RHOT1: variants seen among roughly 807,000 people sequenced by gnomAD.
The protein encoded by RHOT1 is mitochondrial Rho GTPase 1.
RHOT1 carries 27 observed loss-of-function variants against 95.3 expected under a neutral mutation model. The observed-to-expected ratio is 0.28, with a 90% CI of 0.21 to 0.39. The LOEUF (loss-of-function observed/expected upper bound fraction) is 0.39, where lower values mean the gene tolerates loss of function less well. Ranked by LOEUF, RHOT1 falls within the 10% of genes least tolerant of loss-of-function variation. RHOT1 has a pLI of 1.00. For missense variants in RHOT1, 578 were observed against 786.7 expected (o/e 0.73, Z 3.17); for synonymous variants, 227 against 263.5 (o/e 0.86, Z 1.34).
At chr17:32,165,929 A>G (rs2034037609) in intron 1 of RHOT1, among the ~76,000 whole-genome samples, 1 of 152,138 alleles carries the variant, frequency 6.6e-6, no homozygotes, top group Admixed American at 6.5e-5. Context: ...GCATGCCTGT[A>G]ATCCCAGCAT....
rs541519137 is a variant in RHOT1, at chr17:32,162,348, G to A, written c.38-8695G>A. 1.4e-3 allele frequency among the ~76,000 whole-genome samples: 220 copies of A among 152,114 alleles called. 1 individual carries two copies. The highest frequency in any genetic ancestry group is 0.01 in the Middle Eastern group (3 of 294). On this transcript the variant is annotated intron_variant, in intron 1 of 19. Transcript: ENST00000545287. ...TTCTGATGCTCTGTGCCAGAAGCTG[G>A]GGACAAAGACCAGATGTATTCTATG...
chr17:32,187,984 G>C (rs2036184539), intron 8 of RHOT1, among the ~76,000 whole-genome samples: 1 of 152,160 alleles, frequency 6.6e-6, no homozygotes, highest in African/African-American at 2.4e-5. Flanking sequence ...CATAGCCATG[G>C]TCATTCTTTT....
At chr17:32,199,060 T>C in intron 12 of RHOT1, 29 bp downstream of exon 12, 1 of 1,477,194 alleles carries the variant, frequency 6.8e-7, no homozygotes, top group Non-Finnish European at 9.4e-7. Flanking sequence ...TTTTCCATTA[T>C]ATATAGTAAA....
intron 19 of RHOT1, 61 bp downstream of exon 19, chr17:32,211,299 A>G (rs1195095052): frequency 2.7e-6 from 4 of 1,476,526 alleles, no homozygotes; most frequent in Middle Eastern, 4.1e-4. Context: ...AAAAAAGCGG[A>G]TAACTATTTA....
intron 8 of RHOT1, among the ~76,000 whole-genome samples, chr17:32,189,972 G>C (rs1050748143): frequency 6.6e-6 from 1 of 151,848 alleles, no homozygotes; most frequent in Non-Finnish European, 1.5e-5. Flanking sequence ...GCTCGCCTTG[G>C]CTTCCCGAAA....
At chr17:32,210,126 CT>C (rs1461416064) in intron 18 of RHOT1, among the ~76,000 whole-genome samples, 1 of 152,028 alleles carries the variant, frequency 6.6e-6, no homozygotes, top group African/African-American at 2.4e-5. Context: ...TTGGGCCAGT[CT>C]TTTGACTGAG....
At position 32,203,986 on chromosome 17, in the gene RHOT1, G is replaced by A. The variant is rs1188660142; in HGVS notation, c.1416+13G>A. On this transcript the variant is annotated intron_variant, in intron 16 of 19. Transcript: ENST00000545287. ...GAAATACTTGTTGGTAAGAAATTCT[G>A]TGGCATACAAAAATTACTAATTATT... 4 of 1,572,244 alleles carry A rather than the reference G, an allele frequency of 2.5e-6. No individual in the cohort carries two copies. In the African/African-American group the frequency reaches 5.4e-5, roughly 21 times the overall value.
chr17:32,151,851 C>T (rs1448373700), intron 1 of RHOT1, among the ~76,000 whole-genome samples: 1 of 142,014 alleles, frequency 7.0e-6, no homozygotes, highest in Admixed American at 7.3e-5. Context: ...CATTGCACTC[C>T]AGCCTGGGCG....
chr17:32,192,444 A>T, intron 9 of RHOT1, 145 bp downstream of exon 9: 1 of 621,770 alleles, frequency 1.6e-6, no homozygotes. Flanking sequence ...TTTCACATCA[A>T]CCTATATATG....
intron 19 of RHOT1, among the ~76,000 whole-genome samples, chr17:32,219,892 C>T (rs964207748): frequency 2.6e-5 from 4 of 152,132 alleles, no homozygotes; most frequent in African/African-American, 9.7e-5. Flanking sequence ...TGATCTTATT[C>T]CACATAGAGT....
chr17:32,173,138 T>C (rs1243882825), intron 2 of RHOT1: 1 of 152,230 alleles, frequency 6.6e-6, no homozygotes, highest in South Asian at 2.1e-4. Context: ...GTTTTTATCC[T>C]ATAGTTTTAA....
chr17:32,157,811 C>T (rs2033114161), intron 1 of RHOT1, among the ~76,000 whole-genome samples: 1 of 151,764 alleles, frequency 6.6e-6, no homozygotes, highest in South Asian at 2.1e-4. Flanking sequence ...TCCCCCGCTC[C>T]CACCCCGCCG....
chr17:32,166,037 A>G (rs1004757071), intron 1 of RHOT1, among the ~76,000 whole-genome samples: 1 of 151,892 alleles, frequency 6.6e-6, no homozygotes, highest in Non-Finnish European at 1.5e-5. Flanking sequence ...ATACAAAAAA[A>G]TGTAGCCAGG....
Position 32,194,007 on chromosome 17 carries a change from C to G in RHOT1, c.769C>G (p.Leu257Val), listed in dbSNP as rs1173027317. 1 of 1,613,282 alleles carries G rather than the reference C, an allele frequency of 6.2e-7. No homozygotes were observed. The highest frequency in any genetic ancestry group is 2.2e-5 in the East Asian group (1 of 44,870). Residue 257 changes from leucine to valine, a missense_variant, in exon 11 of 20, where the codon CTT (leucine) becomes GTT (valine). Physicochemically the swap from Leu to Val is conservative, Grantham distance 32. Around this residue, in one of 4 missense-constraint regions of RHOT1, gnomAD observed 227 missense variants for 316.0 expected, o/e 0.72. Transcript: ENST00000545287. ...TLKGFLFLHT[L>V]FIQRGRHETT... ...TTCAGGTTTTCTCTTTTTACACACA[C>G]TTTTTATCCAGAGAGGGAGACACGA...
chr17:32,205,757 GCTGGTCTCAAACTC>G (rs1304111598), intron 16 of RHOT1, among the ~76,000 whole-genome samples: 1 of 152,146 alleles, frequency 6.6e-6, no homozygotes, highest in Non-Finnish European at 1.5e-5. Context: ...CCTGTCCCGG[GCTGGTCTCAAACTC>G]CTGGGCTCAA....
chr17:32,155,987 T>TA (rs1317347728), intron 1 of RHOT1, among the ~76,000 whole-genome samples: 1 of 152,246 alleles, frequency 6.6e-6, no homozygotes, highest in African/African-American at 2.4e-5. Context: ...TTGACAGGAA[T>TA]ACTACCTTGA....
intron 1 of RHOT1, among the ~76,000 whole-genome samples, chr17:32,145,782 A>G (rs926647119): frequency 6.6e-6 from 1 of 152,148 alleles, no homozygotes; most frequent in Non-Finnish European, 1.5e-5. Context: ...TGGGAGGCCG[A>G]GGCAGGTGGA....
rs114581080 is a variant in RHOT1, at chr17:32,202,601, G to A, written c.1202-169G>A. Among the ~76,000 whole-genome samples, 1,084 of 152,154 alleles carry A rather than the reference G, an allele frequency of 7.1e-3. 21 individuals are homozygous for A. The highest frequency in any genetic ancestry group is 0.025 in the African/African-American group (1,019 of 41,502). On this transcript the variant is annotated intron_variant, in intron 14 of 19. Transcript: ENST00000545287. ...TAACTGGGGCCCTTCTGCATTCTGT[G>A]TACTTCATTCACATACAGCTTGACT... is the stretch of plus-strand genomic sequence containing the variant.
At chr17:32,183,467 A>G (rs546584540) in intron 8 of RHOT1, among the ~76,000 whole-genome samples, 195 bp downstream of exon 8, 5 of 152,332 alleles carry the variant, frequency 3.3e-5, no homozygotes, top group African/African-American at 7.2e-5. Context: ...TTCCACATCA[A>G]TGGAATCTAA....
Sources: allele counts gnomAD v4.1 joint callset (sites outside exome capture counted in the v4.1 genomes callset), GRCh38; gene constraint gnomAD v4.1.1; regional missense constraint gnomAD v4.1.1; transcripts MANE v1.5; gene names NCBI Gene and HGNC (gene_info 2026-07-23, HGNC 2026-07-21).